Variants in PDE4D observed in about 807,000 individuals in gnomAD.
The protein encoded by PDE4D is 3',5'-cyclic-AMP phosphodiesterase 4D.
Under a neutral mutation model 87.4 loss-of-function variants are expected in PDE4D, and 24 were observed. The observed-to-expected ratio is 0.27, with a 90% CI of 0.20 to 0.39. The LOEUF (loss-of-function observed/expected upper bound fraction) is 0.39. Among genes scored for constraint, PDE4D ranks in the 10% least tolerant of loss-of-function variants. PDE4D has a pLI of 1.00. For missense variants in PDE4D, 714 were observed against 1,041.0 expected, an observed-to-expected ratio of 0.69 and a Z score of 4.32; for synonymous variants, 384 against 383.2, an observed-to-expected ratio of 1.00 and a Z score of -0.02.
chr5:60,433,493 C>A (rs1744519481), intron 1 of PDE4D, among the ~76,000 whole-genome samples: 1 of 152,146 alleles, frequency 6.6e-6, no homozygotes, highest in South Asian at 2.1e-4. Flanking sequence ...TTAGTCCAGC[C>A]ACTGTGGAAA....
chr5:60,106,052 C>A (rs968999025), intron 2 of PDE4D, among the ~76,000 whole-genome samples: 1 of 152,098 alleles, frequency 6.6e-6, no homozygotes, highest in Non-Finnish European at 1.5e-5. Context: ...AATTAAAAGA[C>A]ACAGACTGGC....
At chr5:60,471,448 C>A (rs1404505927) in intron 1 of PDE4D, among the ~76,000 whole-genome samples, 1 of 152,152 alleles carries the variant, frequency 6.6e-6, no homozygotes, top group Non-Finnish European at 1.5e-5. Context: ...AGAGGACTGA[C>A]AGCAATTTTG....
intron 1 of PDE4D, among the ~76,000 whole-genome samples, chr5:59,623,744 C>T (rs1471118925): frequency 1.3e-5 from 2 of 152,122 alleles, no homozygotes; most frequent in Admixed American, 1.3e-4. Flanking sequence ...ACTAGATGTT[C>T]AATGAATCGT....
intron 1 of PDE4D, among the ~76,000 whole-genome samples, chr5:59,506,640 G>C (rs1809316044): frequency 6.6e-6 from 1 of 151,860 alleles, no homozygotes; most frequent in South Asian, 2.1e-4. Flanking sequence ...GCTAAATGGA[G>C]GAATAGTTTC....
chr5:60,465,457 G>T (rs76640722), intron 1 of PDE4D, among the ~76,000 whole-genome samples: 2 of 152,092 alleles, frequency 1.3e-5, no homozygotes, highest in African/African-American at 4.8e-5. Context: ...GGAAGGATGT[G>T]CATGGTGACA....
intron 2 of PDE4D, among the ~76,000 whole-genome samples, chr5:60,047,674 G>A (rs1274415678): frequency 2.0e-5 from 3 of 152,232 alleles, no homozygotes; most frequent in South Asian, 4.1e-4. Flanking sequence ...GTAGTTGAGC[G>A]GTTTTGAATG....
intron 1 of PDE4D, among the ~76,000 whole-genome samples, chr5:59,782,952 A>G (rs1764776280): frequency 6.6e-6 from 1 of 152,158 alleles, no homozygotes; most frequent in Non-Finnish European, 1.5e-5. Flanking sequence ...TTTGGACTTT[A>G]CCATTTCCTT....
chr5:60,315,978 T>C (rs2149825134), intron 1 of PDE4D, among the ~76,000 whole-genome samples: 1 of 152,310 alleles, frequency 6.6e-6, no homozygotes, highest in Non-Finnish European at 1.5e-5. Flanking sequence ...GGGCTCTTTT[T>C]TGGTTCCATA....
chr5:59,245,095 G>A (rs1758583227), intron 1 of PDE4D, among the ~76,000 whole-genome samples: 1 of 152,050 alleles, frequency 6.6e-6, no homozygotes, highest in African/African-American at 2.4e-5. Context: ...AAGCATATCT[G>A]CAACATGCTT....
intron 1 of PDE4D, among the ~76,000 whole-genome samples, chr5:59,296,772 AACACACACACACAC>A (rs10560642): frequency 6.7e-6 from 1 of 149,952 alleles, no homozygotes; most frequent in East Asian, 2.0e-4. Flanking sequence ...AGAAATTAGT[AACACACACACACAC>A]ACACACACAC....
chr5:60,100,347 C>T (rs535205766), intron 2 of PDE4D, among the ~76,000 whole-genome samples: 8 of 152,032 alleles, frequency 5.3e-5, no homozygotes, highest in African/African-American at 1.4e-4. Context: ...CAGACATCTC[C>T]GCTTTACCTT....
In PDE4D at chr5:59,668,821, A is replaced by G. The variant is rs552258103; in HGVS notation, c.455+224347T>C. Among the ~76,000 whole-genome samples, 303 of 93,832 alleles carry G rather than the reference A, an allele frequency of 3.2e-3. 15 individuals are homozygous for G. The highest frequency in any genetic ancestry group is 4.6e-3 in the East Asian group (14 of 3,048). The allele number at this position is 93,832 out of a possible 152,430, so 61.6% of individuals were successfully genotyped here. On this transcript the variant is annotated intron_variant, in intron 1 of 14. Coordinates refer to ENST00000340635, the MANE Select transcript of PDE4D (RefSeq NM_001104631.2). Reference sequence around the variant, plus strand: ...AGAAGAAGAAAGAAGAAGAAGAAGAAGAAGAAGAAGAGGAAGAGGAAGAGG... The same window carrying G: ...AGAAGAAGAAAGAAGAAGAAGAAGAGGAAGAAGAAGAGGAAGAGGAAGAGG...
intron 1 of PDE4D, among the ~76,000 whole-genome samples, chr5:59,266,513 C>A (rs1235516291): frequency 6.6e-6 from 1 of 151,740 alleles, no homozygotes; most frequent in Non-Finnish European, 1.5e-5. Flanking sequence ...AGGAAAACTG[C>A]AATTTATAGT....
At chr5:59,587,059 T>C (rs1825257743) in intron 1 of PDE4D, 1 of 907,206 alleles carries the variant, frequency 1.1e-6, no homozygotes, top group Non-Finnish European at 1.3e-6. Flanking sequence ...TAATTTCTGC[T>C]CTGCAGGACA....
intron 1 of PDE4D, among the ~76,000 whole-genome samples, chr5:59,246,558 T>G (rs765724638): frequency 1.3e-5 from 2 of 152,142 alleles, no homozygotes; most frequent in Non-Finnish European, 2.9e-5. Flanking sequence ...ATAAATCTGA[T>G]GTAAAAACAT....
At chr5:59,339,080 C>T (rs1217126202) in intron 1 of PDE4D, among the ~76,000 whole-genome samples, 1 of 152,162 alleles carries the variant, frequency 6.6e-6, no homozygotes, top group African/African-American at 2.4e-5. Flanking sequence ...GTAGCTTCAA[C>T]TAGAAGCCAA....
intron 1 of PDE4D, among the ~76,000 whole-genome samples, chr5:59,869,954 C>T (rs545578427): frequency 1.3e-5 from 2 of 152,102 alleles, no homozygotes; most frequent in Admixed American, 6.6e-5. Flanking sequence ...ATCACCTGCC[C>T]GGAGTCCAGC....
chr5:60,462,899 G>A lies in PDE4D; in HGVS notation c.-90+25043C>T, dbSNP rs190227132. On this transcript the variant is annotated intron_variant, in intron 1 of 16. Coordinates refer to the PDE4D transcript ENST00000502484. ...TTTTCATCATATACAACAGACTTTGGGCATATAATAGAAAGCATCATATGT... is the reference window on the plus strand; with the variant it reads ...TTTTCATCATATACAACAGACTTTGAGCATATAATAGAAAGCATCATATGT... Among the ~76,000 whole-genome samples, 39 of 152,200 alleles carry A rather than the reference G, an allele frequency of 2.6e-4. No individual in the cohort carries two copies. The Middle Eastern group carries it at 0.017, about 66-fold the overall frequency.
intron 2 of PDE4D, among the ~76,000 whole-genome samples, chr5:60,065,996 T>C (rs1448505294): frequency 6.6e-6 from 1 of 152,234 alleles, no homozygotes; most frequent in East Asian, 1.9e-4. Context: ...TCTAGATCCC[T>C]GAGGAATCAC....
Sources: gnomAD v4.1 joint callset for allele counts (sites outside exome capture counted in the v4.1 genomes callset) on GRCh38, gnomAD v4.1.1 for gene constraint, MANE v1.5 for transcripts, NCBI Gene and HGNC (gene_info 2026-07-23, HGNC 2026-07-21) for gene names.